The following TEX50 variants were observed in gnomAD, a reference collection of about 807,000 sequenced individuals.
TEX50 encodes testis-expressed protein 50.
TEX50 carries 3 observed loss-of-function variants against 9.8 expected under a neutral mutation model. The observed-to-expected ratio is 0.31, with a 90% confidence interval of 0.14 to 0.79. TEX50 has a LOEUF of 0.79. Among genes scored for constraint, TEX50 ranks in the 30% least tolerant of loss-of-function variants. TEX50 has a pLI of 0.63. For synonymous variants in TEX50, 61 were observed against 72.1 expected, an observed-to-expected ratio of 0.85 and a Z score of 0.78; for missense variants, 164 against 199.3, an observed-to-expected ratio of 0.82 and a Z score of 1.07.
At chr1:173,636,766 C>A in intron 1 of TEX50, 61 bp from the exon 2 acceptor site, 1 of 1,146,886 alleles carries the variant, frequency 8.7e-7, no homozygotes, top group Non-Finnish European at 1.2e-6. Flanking sequence ...ATTAACTATA[C>A]TATAGTATTG....
intron 1 of TEX50, 45 bp downstream of exon 1, chr1:173,635,890 G>A (rs1270913324): frequency 1.5e-5 from 20 of 1,350,076 alleles, no homozygotes; most frequent in Non-Finnish European, 1.7e-5. Flanking sequence ...ATCTCTAAGG[G>A]TTTAGAACAT....
Position 173,635,438 on chromosome 1 carries a change from GTTATT to G in TEX50, c.-73_-69del. The G allele has an allele frequency of 4.9e-6, 5 of 1,017,184 alleles. No homozygotes were observed. Among genetic ancestry groups the G allele is most frequent in the Non-Finnish European group, 7.0e-6 (5 of 718,966 alleles). 63.0% of individuals were successfully genotyped at this position (1,017,184 alleles called of 1,614,324 possible). ...TCTGCTTCCCTTCGTAGGGAATTTA[GTTATT>G]TTATTTTATTATTTAGCTAATTTAG... is the stretch of plus-strand genomic sequence containing the variant. On this transcript the variant is annotated 5_prime_UTR_variant, in exon 1 of 2. Transcript: ENST00000417563.
chr1:173,636,761 C>T, intron 1 of TEX50, 66 bp from the exon 2 acceptor site: 1 of 1,093,516 alleles, frequency 9.1e-7, no homozygotes, highest in Non-Finnish European at 1.3e-6. Context: ...ATATTATTAA[C>T]TATACTATAG....
chr1:173,635,462 A>G lies in TEX50; in HGVS notation c.-60A>G, dbSNP rs1248710352. On this transcript the variant is annotated 5_prime_UTR_variant, in exon 1 of 2. Coordinates refer to ENST00000417563, the MANE Select transcript of TEX50 (RefSeq NM_001195190.3). Reference sequence around the variant, plus strand: ...AGTTATTTTATTTTATTATTTAGCTAATTTAGCTATTTTAAAATAGCTAAA... The same window carrying G: ...AGTTATTTTATTTTATTATTTAGCTGATTTAGCTATTTTAAAATAGCTAAA... 2 of 1,153,974 alleles carry G rather than the reference A, an allele frequency of 1.7e-6. No homozygotes were observed. The highest frequency in any genetic ancestry group is 2.4e-6 in the Non-Finnish European group (2 of 837,904). 71.5% of individuals were successfully genotyped at this position (1,153,974 alleles called of 1,614,324 possible). A position where few individuals can be genotyped will look rare whatever the true frequency, so the allele number is the denominator to read the frequency against.
chr1:173,635,619 T>C lies in TEX50; in HGVS notation c.98T>C (p.Val33Ala), dbSNP rs1668396373. 2 of 1,535,518 alleles carry C rather than the reference T, an allele frequency of 1.3e-6. No individual in the cohort carries two copies. The highest frequency in any genetic ancestry group is 3.9e-5 in the Admixed American group (2 of 50,958). Residue 33 changes from valine to alanine, a missense_variant, in exon 1 of 2, where the codon GTT becomes GCT. Val to Ala is a moderately conservative substitution (Grantham distance 64, BLOSUM62 0). Transcript: ENST00000417563. The stretch of plus-strand genomic sequence containing the variant: ...TGTGATGGAACTGTCTGGACAAAGG[T>C]TGGATGGGAGATTCTTCCAGAAGAA... ...CICDGTVWTK[V>A]GWEILPEEVH... is the part of the protein sequence containing the mutation.
rs1668467577 is a variant in TEX50 at position 173,636,854 on chromosome 1, C to A, written c.352C>A (p.Pro118Thr). 32 of 1,535,478 alleles carry A rather than the reference C, an allele frequency of 2.1e-5. No homozygotes were observed. Among genetic ancestry groups the A allele is most frequent in the Non-Finnish European group, 2.6e-5 (30 of 1,146,704 alleles). The change falls in exon 2 of 2, where the codon CCT becomes ACT. Residue 118 changes from proline to threonine, a missense_variant. Physicochemically the swap from Pro to Thr is conservative, Grantham distance 38. Transcript: ENST00000417563. The part of the protein sequence containing the change: ...KLKKQASLEK[P>T]GNDLESPLIN... Reference sequence around the variant, plus strand: ...GAAAAAGCAAGCCTCCTTAGAAAAACCTGGTAATGATCTAGAAAGCCCATT... The same window carrying A: ...GAAAAAGCAAGCCTCCTTAGAAAAAACTGGTAATGATCTAGAAAGCCCATT...
At position 173,635,730 on chromosome 1, in the gene TEX50, A is replaced by C; in HGVS notation, c.209A>C (p.Asp70Ala). 6.5e-7 allele frequency: 1 copy of C among 1,535,430 alleles called. No homozygotes were observed. Residue 70 changes from aspartate (D) to alanine (A), a missense_variant, in exon 1 of 2, where the codon GAT becomes GCT. Transcript: ENST00000417563. ...DKLCCDFANM[D>A]IFQGCLYLIY... is the part of the protein sequence containing the mutation. ...CTATGCTGCGACTTTGCTAACATGG[A>C]TATATTTCAGGGTTGTTTATATCTC... is the stretch of plus-strand genomic sequence containing the variant.
intron 1 of TEX50, 28 bp downstream of exon 1, chr1:173,635,873 T>A: frequency 6.9e-7 from 1 of 1,440,784 alleles, no homozygotes; most frequent in Non-Finnish European, 9.3e-7. Context: ...GTAGTAATAG[T>A]TACAAAATCT....
At position 173,635,754 on chromosome 1, in the gene TEX50, T is replaced by G. The variant is rs1168952280; in HGVS notation, c.233T>G (p.Leu78Arg). The G allele has an allele frequency of 2.6e-6, 4 of 1,535,220 alleles. No individual in the cohort carries two copies. The African/African-American group carries it at 5.5e-5, about 21-fold the overall frequency. The change falls in exon 1 of 2, where the codon CTC becomes CGC. Residue 78 changes from leucine to arginine, a missense_variant. Around this residue, in one of 3 missense-constraint regions of TEX50, gnomAD observed 135 missense variants for 154.2 expected, o/e 0.88. Coordinates refer to ENST00000417563, the MANE Select transcript of TEX50 (RefSeq NM_001195190.3). ...GATATATTTCAGGGTTGTTTATATC[T>G]CATTTATAATTTATTACAAGCTGTC... Reference protein sequence around the residue: ...NMDIFQGCLYLIYNLLQAVFF... With the variant: ...NMDIFQGCLYRIYNLLQAVFF...
intron 1 of TEX50, 71 bp downstream of exon 1, chr1:173,635,916 T>C (rs936297202): frequency 8.7e-7 from 1 of 1,148,826 alleles, no homozygotes; most frequent in Non-Finnish European, 1.2e-6. Context: ...TACTAGTTTC[T>C]TTGAGAGAGG....
Position 173,635,463 on chromosome 1 carries a change from A to ATTTAGCTATTTTAAAATAGCTAAAT in TEX50, c.-50_-26dup. The stretch of plus-strand genomic sequence containing the variant: ...GTTATTTTATTTTATTATTTAGCTA[A>ATTTAGCTATTTTAAAATAGCTAAAT]TTTAGCTATTTTAAAATAGCTAAAT... On this transcript the variant is annotated 5_prime_UTR_variant, in exon 1 of 2. Coordinates refer to ENST00000417563, the MANE Select transcript of TEX50 (RefSeq NM_001195190.3). The ATTTAGCTATTTTAAAATAGCTAAAT allele has an allele frequency of 1.7e-6, 2 of 1,170,416 alleles. No homozygotes were observed. The highest frequency in any genetic ancestry group is 1.2e-6 in the Non-Finnish European group (1 of 852,566). 72.5% of individuals were successfully genotyped at this position (1,170,416 alleles called of 1,614,324 possible).
Position 173,636,831 on chromosome 1 carries a change from A to C in TEX50, c.329A>C (p.Lys110Thr), listed in dbSNP as rs1473297497. Residue 110 changes from lysine to threonine, a missense_variant, in exon 2 of 2, where the codon AAA becomes ACA. Physicochemically the swap from Lys to Thr is moderately conservative, Grantham distance 78 (BLOSUM62 -1). Transcript: ENST00000417563. ...GTATTGTTTTTCTCCTTTTAGCTGA[A>C]AAAGCAAGCCTCCTTAGAAAAACCT... ...KKWKKHQKKL[K>T]KQASLEKPGN... The C allele has an allele frequency of 6.5e-7, 1 of 1,535,070 alleles. No homozygotes were observed. The highest frequency in any genetic ancestry group is 1.4e-5 in the African/African-American group (1 of 73,006).
In TEX50 at chr1:173,635,836, C is replaced by T; in HGVS notation, c.315C>T (p.His105=). ...VHYLWKKWKK[H]QKKLKKQASL... is the part of the protein sequence containing the mutation. ...ACCTGTGGAAGAAATGGAAGAAACA[C>T]CAAAAAAAGGTGAATTCGTGATACA... Residue 105 remains histidine, a synonymous_variant, in exon 1 of 2, where the codon CAC becomes CAT. Transcript: ENST00000417563. 1.3e-6 allele frequency: 2 copies of T among 1,520,718 alleles called. No individual in the cohort carries two copies. The highest frequency in any genetic ancestry group is 1.8e-6 in the Non-Finnish European group (2 of 1,139,302). 94.2% of individuals were successfully genotyped at this position (1,520,718 alleles called of 1,614,324 possible). A position where few individuals can be genotyped will look rare whatever the true frequency, so the allele number is the denominator to read the frequency against.
In TEX50 at chr1:173,636,885, A is replaced by G. The variant is rs1006087310; in HGVS notation, c.383A>G (p.Asn128Ser). 6.5e-7 allele frequency: 1 copy of G among 1,535,826 alleles called. No individual in the cohort carries two copies. Among genetic ancestry groups the G allele is most frequent in the African/African-American group, 1.4e-5 (1 of 73,046 alleles). The change falls in exon 2 of 2, where the codon AAC becomes AGC. Residue 128 changes from asparagine to serine, a missense_variant. Physicochemically the swap from Asn to Ser is conservative, Grantham distance 46. Coordinates refer to ENST00000417563, the MANE Select transcript of TEX50 (RefSeq NM_001195190.3). ...PGNDLESPLI[N>S]NIDQTLHRVA... ...AATGATCTAGAAAGCCCATTGATCA[A>G]CAACATTGACCAAACACTCCACAGA...
Position 173,636,912 on chromosome 1 carries a change from T to C in TEX50, c.410T>C (p.Val137Ala). ...AACATTGACCAAACACTCCACAGAG[T>C]GGCAACCACAGCATCAGTGATATAC... ...INNIDQTLHR[V>A]ATTASVIYKI... The change falls in exon 2 of 2, where the codon GTG (valine) becomes GCG (alanine). Residue 137 changes from valine to alanine, a missense_variant. Physicochemically the swap from Val to Ala is moderately conservative, Grantham distance 64. This residue lies in a region of TEX50 where 135 missense variants were observed against 154.2 expected (regional missense o/e 0.88). Transcript: ENST00000417563. 6.5e-7 allele frequency: 1 copy of C among 1,535,778 alleles called. No homozygotes were observed. Among genetic ancestry groups the C allele is most frequent in the African/African-American group, 1.4e-5 (1 of 73,100 alleles).
Position 173,635,843 on chromosome 1 carries a change from A to G in TEX50, c.322A>G (p.Lys108Glu), listed in dbSNP as rs1186608849. 11 of 1,525,536 alleles carry G rather than the reference A, an allele frequency of 7.2e-6. No individual in the cohort carries two copies. Among genetic ancestry groups the G allele is most frequent in the Non-Finnish European group, 9.6e-6 (11 of 1,140,046 alleles). 94.5% of individuals were successfully genotyped at this position (1,525,536 alleles called of 1,614,324 possible). Residue 108 changes from lysine to glutamate, a missense_variant and splice_region_variant, in exon 1 of 2, where the codon AAG (lysine) becomes GAG (glutamate). This residue lies in a region of TEX50 where 135 missense variants were observed against 154.2 expected (regional missense o/e 0.88). Coordinates refer to ENST00000417563, the MANE Select transcript of TEX50 (RefSeq NM_001195190.3). ...LWKKWKKHQKKLKKQASLEKP... is the reference protein window; with the variant it reads ...LWKKWKKHQKELKKQASLEKP... ...GAAGAAATGGAAGAAACACCAAAAA[A>G]AGGTGAATTCGTGATACAAGTAGTA...
chr1:173,636,228 C>A (rs1353253431), intron 1 of TEX50, among the ~76,000 whole-genome samples: 2 of 152,158 alleles, frequency 1.3e-5, no homozygotes, highest in Non-Finnish European at 2.9e-5. Context: ...AGAACCCTTT[C>A]AGATGTATCT....
Position 173,635,655 on chromosome 1 carries a change from G to A in TEX50, c.134G>A (p.Trp45Ter). 6.5e-7 allele frequency: 1 copy of A among 1,535,496 alleles called. No individual in the cohort carries two copies. Among genetic ancestry groups the A allele is most frequent in the Non-Finnish European group, 8.7e-7 (1 of 1,146,552 alleles). The change falls in exon 1 of 2, where the codon TGG becomes TAG. Residue 45 changes from tryptophan (W) to a stop codon, truncating the protein, a stop_gained. Transcript: ENST00000417563. LOFTEE classifies it high-confidence loss of function. ...ATTCTTCCAGAAGAAGTACATTATT[G>A]GAAAGTTAAGGGTTCTCCATCTCAC... ...WEILPEEVHY[W>*]KVKGSPSHCL... is the part of the protein sequence containing the mutation.
rs1558128278 is a variant in TEX50, at chr1:173,635,645, G to A, written c.124G>A (p.Val42Ile). The A allele has an allele frequency of 6.5e-7, 1 of 1,535,672 alleles. No homozygotes were observed. Residue 42 changes from valine to isoleucine, a missense_variant, in exon 1 of 2, where the codon GTA becomes ATA. Around this residue, in one of 3 missense-constraint regions of TEX50, gnomAD observed 135 missense variants for 154.2 expected, o/e 0.88. Coordinates refer to ENST00000417563, the MANE Select transcript of TEX50 (RefSeq NM_001195190.3). ...KVGWEILPEE[V>I]HYWKVKGSPS... ...TGGATGGGAGATTCTTCCAGAAGAA[G>A]TACATTATTGGAAAGTTAAGGGTTC...
Sources: gnomAD v4.1 joint callset for allele counts (sites outside exome capture counted in the v4.1 genomes callset) on GRCh38, gnomAD v4.1.1 for gene constraint, gnomAD v4.1.1 regional missense constraint, MANE v1.5 for transcripts, NCBI Gene and HGNC (gene_info 2026-07-23, HGNC 2026-07-21) for gene names.